The following ACER3 variants were observed in gnomAD, a reference collection of about 807,000 sequenced individuals.
ACER3 encodes alkCDase 3.
In ACER3, 16 loss-of-function variants were observed where a neutral mutation model predicts 48.9. The observed-to-expected ratio is 0.33, with a 90% CI of 0.22 to 0.50. ACER3 has a LOEUF of 0.50. ACER3 is among the 20% of genes least tolerant of loss of function. The pLI is 0.98. For synonymous variants in ACER3, 109 were observed against 107.8 expected (o/e 1.01, Z -0.07); for missense variants, 227 against 326.0 (o/e 0.70, Z 2.34).
chr11:76,969,506 T>A (rs1482234901), intron 3 of ACER3, among the ~76,000 whole-genome samples: 1 of 152,140 alleles, frequency 6.6e-6, no homozygotes, highest in Non-Finnish European at 1.5e-5. Flanking sequence ...GTATGTTTAT[T>A]GTGGCACTAT....
At chr11:76,877,929 CT>C (rs35466435) in intron 1 of ACER3, among the ~76,000 whole-genome samples, 89,231 of 149,250 alleles carry the variant, frequency 0.6, 28,695 homozygotes, top group Non-Finnish European at 0.74. Flanking sequence ...CCACAGCTTG[CT>C]TTTTTTTTTT....
intron 1 of ACER3, among the ~76,000 whole-genome samples, chr11:76,900,519 G>C (rs1305688001): frequency 6.6e-6 from 1 of 152,102 alleles, no homozygotes; most frequent in African/African-American, 2.4e-5. Context: ...AAGCAGTCTT[G>C]AATAATAGGA....
chr11:76,914,193 C>G (rs1946462036), intron 1 of ACER3, among the ~76,000 whole-genome samples: 2 of 152,112 alleles, frequency 1.3e-5, no homozygotes, highest in African/African-American at 2.4e-5. Context: ...CCAAAATTGA[C>G]AAATGAGATC....
intron 2 of ACER3, among the ~76,000 whole-genome samples, chr11:76,938,535 T>G (rs929615965): frequency 6.6e-6 from 1 of 152,108 alleles, no homozygotes; most frequent in African/African-American, 2.4e-5. Flanking sequence ...CCCAGGCTGG[T>G]CTTGAATTCC....
chr11:76,916,717 A>G (rs899508899), intron 1 of ACER3, among the ~76,000 whole-genome samples: 10 of 152,242 alleles, frequency 6.6e-5, no homozygotes, highest in Admixed American at 1.3e-4. Flanking sequence ...TACTGAACAT[A>G]GTTTGGAAAC....
At chr11:76,975,874 CTTTTT>C (rs34786738) in intron 3 of ACER3, among the ~76,000 whole-genome samples, 1 of 82,772 alleles carries the variant, frequency 1.2e-5, no homozygotes, top group Admixed American at 1.4e-4. Flanking sequence ...TTTTTCTTTT[CTTTTT>C]TTTTTTTTTT....
intron 1 of ACER3, among the ~76,000 whole-genome samples, chr11:76,885,259 G>T (rs1191203275): frequency 6.6e-6 from 1 of 152,126 alleles, no homozygotes; most frequent in Admixed American, 6.5e-5. Flanking sequence ...CAGAGACACA[G>T]AAATGACTGT....
chr11:76,941,847 T>G (rs908802772), intron 2 of ACER3, among the ~76,000 whole-genome samples: 4 of 152,212 alleles, frequency 2.6e-5, no homozygotes, highest in Admixed American at 2.6e-4. Context: ...TTTTGTAATT[T>G]TCCTTGTAGA....
At chr11:76,950,476 A>G (rs1175512359) in intron 2 of ACER3, among the ~76,000 whole-genome samples, 1 of 146,018 alleles carries the variant, frequency 6.8e-6, no homozygotes, top group Non-Finnish European at 1.5e-5. Context: ...ATAGATATAG[A>G]TTTGAGGCAG....
intron 7 of ACER3, among the ~76,000 whole-genome samples, chr11:77,001,600 T>C (rs555615984): frequency 5.9e-5 from 9 of 152,284 alleles, no homozygotes; most frequent in Admixed American, 4.6e-4. Context: ...AAATAGTGTA[T>C]ATCCTCGTTC....
At chr11:77,004,714 A>G (rs1949098810) in intron 7 of ACER3, among the ~76,000 whole-genome samples, 1 of 152,216 alleles carries the variant, frequency 6.6e-6, no homozygotes, top group African/African-American at 2.4e-5. Flanking sequence ...AATTTATCTG[A>G]TTAATATATC....
In ACER3 at chr11:77,024,719, T is replaced by A. The variant is rs10899344; in HGVS notation, c.*4392T>A. ...CATTTTGGAGGAAAGCTAAGCAGGT[T>A]CTGACCACCCATTTTCATGTACTTT... On this transcript the variant is annotated 3_prime_UTR_variant, in exon 11 of 11. Coordinates refer to ENST00000532485, the MANE Select transcript of ACER3 (RefSeq NM_018367.7). 0.71 allele frequency: 108,415 copies of A among 152,128 alleles called. 39,019 individuals carry two copies. The highest frequency in any genetic ancestry group is 0.77 in the Non-Finnish European group (52,154 of 68,008). The allele number at this position is 152,128 out of a possible 1,614,324, so 9.4% of individuals were successfully genotyped here. A position where few individuals can be genotyped will look rare whatever the true frequency, so the allele number is the denominator to read the frequency against.
chr11:77,016,772 C>G lies in ACER3; in HGVS notation c.697C>G (p.Leu233Val). The G allele has an allele frequency of 6.4e-7, 1 of 1,567,810 alleles. No individual in the cohort carries two copies. Among genetic ancestry groups the G allele is most frequent in the Non-Finnish European group, 8.7e-7 (1 of 1,149,198 alleles). Residue 233 changes from leucine to valine, a missense_variant, in exon 9 of 11, where the codon CTT becomes GTT. Coordinates refer to ENST00000532485, the MANE Select transcript of ACER3 (RefSeq NM_018367.7). ...LTGLGSYLHI[L>V]FSLYTRTLYL... ...TGGCCTTGGTTCCTATCTTCACATC[C>G]TTTTCAGGTAGGAAATAGAGACTTT...
At chr11:76,957,032 A>G (rs1379542802) in intron 2 of ACER3, among the ~76,000 whole-genome samples, 1 of 152,150 alleles carries the variant, frequency 6.6e-6, no homozygotes, top group African/African-American at 2.4e-5. Flanking sequence ...ATGTATCCTT[A>G]AGTTTAATCT....
At chr11:76,914,474 G>A (rs1335801583) in intron 1 of ACER3, among the ~76,000 whole-genome samples, 3 of 152,168 alleles carry the variant, frequency 2.0e-5, no homozygotes, top group Non-Finnish European at 2.9e-5. Flanking sequence ...TCAGAGAAAT[G>A]CAAATCAAAA....
intron 6 of ACER3, among the ~76,000 whole-genome samples, chr11:76,995,484 T>A (rs931209228): frequency 6.6e-6 from 1 of 152,180 alleles, no homozygotes; most frequent in Non-Finnish European, 1.5e-5. Flanking sequence ...AATATTTTTA[T>A]AGCCTTTGGA....
At chr11:76,975,611 C>G (rs779087449) in intron 3 of ACER3, among the ~76,000 whole-genome samples, 2 of 151,972 alleles carry the variant, frequency 1.3e-5, no homozygotes, top group Non-Finnish European at 2.9e-5. Context: ...ACCTATGGAC[C>G]TGTAGATGAT....
At chr11:77,012,985 T>G (rs1301264350) in intron 7 of ACER3, among the ~76,000 whole-genome samples, 1 of 152,170 alleles carries the variant, frequency 6.6e-6, no homozygotes, top group Non-Finnish European at 1.5e-5. Flanking sequence ...GACCTGATTT[T>G]CAACAAATAT....
Position 76,945,749 on chromosome 11 carries a change from C to T in ACER3, c.215-13230C>T, listed in dbSNP as rs78887235. Reference sequence around the variant, plus strand: ...GCTTCCAGGTATGTGGGCAGGTTCTCAAACTCCTGGGCAGCTGGTGTGATA... The same window carrying T: ...GCTTCCAGGTATGTGGGCAGGTTCTTAAACTCCTGGGCAGCTGGTGTGATA... On this transcript the variant is annotated intron_variant, in intron 2 of 10. Coordinates refer to ENST00000532485, the MANE Select transcript of ACER3 (RefSeq NM_018367.7). Among the ~76,000 whole-genome samples the T allele has an allele frequency of 2.9e-4, 44 of 152,320 alleles. No homozygotes were observed. In the East Asian group the frequency reaches 7.3e-3, roughly 25 times the overall value.
Sources: gnomAD v4.1 joint callset for allele counts (sites outside exome capture counted in the v4.1 genomes callset) on GRCh38, gnomAD v4.1.1 for gene constraint, MANE v1.5 for transcripts, NCBI Gene and HGNC (gene_info 2026-07-23, HGNC 2026-07-21) for gene names.